The following PBX3 variants were observed in gnomAD, a reference collection of about 807,000 sequenced individuals.
PBX3 encodes PBX homeobox 3.
A neutral mutation model predicts 48.5 loss-of-function variants in PBX3; 14 were observed. That is an observed-to-expected ratio of 0.29 (90% confidence interval 0.19 to 0.45). PBX3 has a LOEUF of 0.45. Among genes scored for constraint, PBX3 ranks in the 20% least tolerant of loss-of-function variants. PBX3 has a pLI of 1.00. For missense variants in PBX3, 386 were observed against 546.7 expected (o/e 0.71, Z 2.93); for synonymous variants, 210 against 200.3 (o/e 1.05, Z -0.41).
intron 2 of PBX3, among the ~76,000 whole-genome samples, chr9:125,845,497 C>T (rs937096618): frequency 3.3e-5 from 5 of 151,914 alleles, no homozygotes; most frequent in Non-Finnish European, 5.9e-5. Context: ...TCGTGCAATC[C>T]GTAATTGAAA....
At chr9:125,762,164 CCTT>C (rs1298936902) in intron 2 of PBX3, among the ~76,000 whole-genome samples, 3 of 151,938 alleles carry the variant, frequency 2.0e-5, no homozygotes, top group Non-Finnish European at 2.9e-5. Context: ...GTTTTATTAC[CCTT>C]CTTGTCATTT....
chr9:125,936,977 ATTAGT>A (rs1841850202), intron 5 of PBX3, among the ~76,000 whole-genome samples: 1 of 152,196 alleles, frequency 6.6e-6, no homozygotes, highest in South Asian at 2.1e-4. Flanking sequence ...TTCCCTGAAC[ATTAGT>A]GAAAGGATTA....
Position 125,747,738 on chromosome 9 carries a change from G to A in PBX3, c.200+85G>A, listed in dbSNP as rs995228237. The A allele has an allele frequency of 1.2e-5, 12 of 1,036,970 alleles. No individual in the cohort carries two copies. In the African/African-American group the frequency reaches 2.0e-4, roughly 18 times the overall value. 64.2% of individuals were successfully genotyped at this position (1,036,970 alleles called of 1,614,324 possible). A position where few individuals can be genotyped will look rare whatever the true frequency, so the allele number is the denominator to read the frequency against. ...GTCGAGGCCCGGGGTGGCGCCCGGG[G>A]CTAGGGCCGCAGCCCCCGGCGGGGA... is the stretch of plus-strand genomic sequence containing the variant. On this transcript the variant is annotated intron_variant, in intron 1 of 8. Transcript: ENST00000373489.
At chr9:125,844,109 A>G (rs1008008016) in intron 2 of PBX3, among the ~76,000 whole-genome samples, 5 of 152,130 alleles carry the variant, frequency 3.3e-5, no homozygotes, top group Admixed American at 6.6e-5. Flanking sequence ...ACATAAAAAT[A>G]TCTTTTTCTA....
At chr9:125,806,421 C>CA (rs945998828) in intron 2 of PBX3, among the ~76,000 whole-genome samples, 2 of 152,138 alleles carry the variant, frequency 1.3e-5, no homozygotes, top group African/African-American at 2.4e-5. Flanking sequence ...GGGAGGTTCA[C>CA]GATCAAGATG....
chr9:125,764,957 G>A (rs1836763748), intron 2 of PBX3, among the ~76,000 whole-genome samples: 2 of 152,056 alleles, frequency 1.3e-5, no homozygotes, highest in Admixed American at 6.6e-5. Flanking sequence ...TACTGTGAAG[G>A]CTGCAGAGTC....
At chr9:125,937,370 A>T (rs1400215156) in intron 5 of PBX3, among the ~76,000 whole-genome samples, 2 of 152,174 alleles carry the variant, frequency 1.3e-5, no homozygotes, top group Non-Finnish European at 2.9e-5. Context: ...TAAAAAAAAC[A>T]GTTAATTATT....
intron 2 of PBX3, among the ~76,000 whole-genome samples, chr9:125,822,953 T>A (rs1342895486): frequency 6.6e-6 from 1 of 151,730 alleles, no homozygotes; most frequent in African/African-American, 2.4e-5. Flanking sequence ...GTGGGGTTTT[T>A]TAGTTTTTTT....
chr9:125,943,709 G>A (rs1564184961), intron 5 of PBX3, among the ~76,000 whole-genome samples: 1 of 152,166 alleles, frequency 6.6e-6, no homozygotes, highest in South Asian at 2.1e-4. Context: ...CACTTTATAA[G>A]TGAGGTAAAA....
chr9:125,811,198 T>C (rs1299203305), intron 2 of PBX3, among the ~76,000 whole-genome samples: 1 of 152,220 alleles, frequency 6.6e-6, no homozygotes, highest in Non-Finnish European at 1.5e-5. Flanking sequence ...TTATGAATTA[T>C]TGTTAGCATA....
chr9:125,911,706 G>C (rs181591506), intron 2 of PBX3, among the ~76,000 whole-genome samples: 64 of 152,124 alleles, frequency 4.2e-4, no homozygotes, highest in African/African-American at 1.3e-3. Context: ...CAGCGACGTC[G>C]TAGGCCTAAG....
chr9:125,833,488 CAA>C (rs770658784), intron 2 of PBX3, among the ~76,000 whole-genome samples: 5 of 138,152 alleles, frequency 3.6e-5, no homozygotes, highest in African/African-American at 1.3e-4. Flanking sequence ...GACGCTGTCT[CAA>C]AAAAAAAAAA....
At chr9:125,935,398 C>A in intron 4 of PBX3, 74 bp from the exon 5 acceptor site, 1 of 1,311,588 alleles carries the variant, frequency 7.6e-7, no homozygotes, top group Non-Finnish European at 1.1e-6. Flanking sequence ...TTTTTGGTAT[C>A]ATCCTAATTA....
chr9:125,958,123 G>A (rs1842348290), intron 5 of PBX3, among the ~76,000 whole-genome samples: 2 of 152,146 alleles, frequency 1.3e-5, no homozygotes, highest in African/African-American at 4.8e-5. Flanking sequence ...GATTTGTCCT[G>A]GTGCAGAAAT....
chr9:125,867,795 C>CAT (rs886791516), intron 2 of PBX3, among the ~76,000 whole-genome samples: 12 of 151,748 alleles, frequency 7.9e-5, no homozygotes, highest in African/African-American at 2.9e-4. Flanking sequence ...TATACACACA[C>CAT]ATATATATAC....
intron 2 of PBX3, among the ~76,000 whole-genome samples, chr9:125,803,336 C>T (rs1475624497): frequency 6.6e-6 from 1 of 151,996 alleles, no homozygotes; most frequent in South Asian, 2.1e-4. Context: ...GATCCACCCG[C>T]CTCAGCCTCC....
intron 2 of PBX3, among the ~76,000 whole-genome samples, chr9:125,792,726 TCTCA>T (rs1837647333): frequency 1.4e-5 from 2 of 146,094 alleles, no homozygotes; most frequent in Non-Finnish European, 3.0e-5. Flanking sequence ...TGAGTTGGAG[TCTCA>T]CTCTGTTGCC....
chr9:125,833,075 T>G (rs746296527), intron 2 of PBX3, among the ~76,000 whole-genome samples: 54 of 152,196 alleles, frequency 3.5e-4, no homozygotes, highest in Non-Finnish European at 2.2e-4. Flanking sequence ...TAAGGAAAAT[T>G]TCTTTGAGCT....
intron 2 of PBX3, among the ~76,000 whole-genome samples, chr9:125,840,645 A>G (rs889394286): frequency 5.3e-5 from 8 of 151,924 alleles, no homozygotes; most frequent in Non-Finnish European, 1.2e-4. Context: ...AGTATTCTAT[A>G]TCTTTCTATA....
Sources: gnomAD v4.1 joint callset for allele counts (sites outside exome capture counted in the v4.1 genomes callset) on GRCh38, gnomAD v4.1.1 for gene constraint, MANE v1.5 for transcripts, NCBI Gene and HGNC (gene_info 2026-07-23, HGNC 2026-07-21) for gene names.